The following ZNF18 variants were observed in gnomAD, a reference collection of about 807,000 sequenced individuals.
ZNF18 encodes the protein zinc finger protein 18, also known as heart development-specific gene 1 protein.
A neutral mutation model predicts 58.1 loss-of-function variants in ZNF18; 42 were observed. That is an observed-to-expected ratio of 0.72 (90% CI 0.56 to 0.93). The LOEUF (loss-of-function observed/expected upper bound fraction) is 0.93, where lower values mean the gene tolerates loss of function less well. Ranked by LOEUF, ZNF18 falls within the 40% of genes least tolerant of loss-of-function variation. The probability of loss-of-function intolerance (pLI) is 0.00; values close to 1 mark genes in which losing one functional copy is unlikely to be tolerated. For missense variants in ZNF18, 540 were observed against 644.2 expected, an observed-to-expected ratio of 0.84 and a Z score of 1.75; for synonymous variants, 231 against 239.8, an observed-to-expected ratio of 0.96 and a Z score of 0.34.
intron 6 of ZNF18, among the ~76,000 whole-genome samples, chr17:11,982,320 T>C (rs1967412717): frequency 6.6e-6 from 1 of 152,206 alleles, no homozygotes; most frequent in Non-Finnish European, 1.5e-5. Flanking sequence ...CCTGAAACAC[T>C]ACCCACCCCT....
chr17:12,007,282 G>GCTT, the ZNF18 span, among the ~76,000 whole-genome samples: 1 of 152,148 alleles, frequency 6.6e-6, no homozygotes, highest in East Asian at 1.9e-4. Context: ...GATTTGGGAA[G>GCTT]CTTCTGAAGT....
chr17:11,978,840 CTTTTTTTTTT>C (rs56969015), intron 6 of ZNF18, 96 bp from the exon 7 acceptor site: 8 of 120,518 alleles, frequency 6.6e-5, no homozygotes, highest in South Asian at 3.9e-4. Context: ...CATTCATTTT[CTTTTTTTTTT>C]TTTTTTTTTT....
rs1438920914 is a variant in ZNF18, at chr17:11,978,075, T to G, written c.1532A>C (p.Gln511Pro). The change falls in exon 7 of 7, where the codon CAG (glutamine) becomes CCG (proline). Residue 511 changes from glutamine to proline, a missense_variant. By Grantham distance (76) the Gln-to-Pro change is moderately conservative. Coordinates refer to ENST00000580306, the MANE Select transcript of ZNF18 (RefSeq NM_001303281.2). ...FIQRSNFNRH[Q>P]RVHTGEKPYK... ...AGGTTTCTCTCCAGTGTGAACCCTC[T>G]GATGTCTATTAAAGTTTGATCTCTG... 3.1e-6 allele frequency: 5 copies of G among 1,614,092 alleles called. No individual in the cohort carries two copies. The highest frequency in any genetic ancestry group is 4.2e-6 in the Non-Finnish European group (5 of 1,180,042).
At chr17:11,995,780 T>C (rs553032465) in intron 1 of ZNF18, 1 of 151,716 alleles carries the variant, frequency 6.6e-6, no homozygotes, top group Admixed American at 6.6e-5. Flanking sequence ...ACCCAAGAAC[T>C]GCAGAGTATA....
chr17:11,985,653 A>T (rs1466878038), intron 4 of ZNF18, among the ~76,000 whole-genome samples: 2 of 152,226 alleles, frequency 1.3e-5, no homozygotes, highest in African/African-American at 4.8e-5. Context: ...GGACTCTGTC[A>T]TCCTCTCCAT....
At chr17:12,020,262 T>C in the ZNF18 span, among the ~76,000 whole-genome samples, 1 of 152,188 alleles carries the variant, frequency 6.6e-6, no homozygotes, top group Non-Finnish European at 1.5e-5. Flanking sequence ...AATTACCTGG[T>C]GGTATTATTA....
intron 2 of ZNF18, 36 bp downstream of exon 2, chr17:11,992,407 G>C (rs758125494): frequency 2.5e-6 from 4 of 1,591,172 alleles, no homozygotes; most frequent in Non-Finnish European, 2.6e-6. Flanking sequence ...GAGGAGCCCT[G>C]TGTTTCACTC....
At chr17:12,000,630 C>T (rs978175825), upstream of ZNF18, among the ~76,000 whole-genome samples, 4 of 152,210 alleles carry the variant, frequency 2.6e-5, no homozygotes, top group African/African-American at 7.2e-5. Context: ...AACCCATAAT[C>T]GCTTGAGCCC....
At chr17:11,985,087 T>C (rs1159675657) in intron 4 of ZNF18, among the ~76,000 whole-genome samples, 1 of 152,228 alleles carries the variant, frequency 6.6e-6, no homozygotes, top group African/African-American at 2.4e-5. Flanking sequence ...CTTAAAGTTC[T>C]GCATTTAGAG....
At chr17:11,998,022 G>C (rs1323725348), upstream of ZNF18, among the ~76,000 whole-genome samples, 1 of 151,462 alleles carries the variant, frequency 6.6e-6, no homozygotes, top group Non-Finnish European at 1.5e-5. Flanking sequence ...GTCCAATGTG[G>C]TGCCATCCTC....
chr17:11,993,511 T>C (rs533758872), intron 1 of ZNF18: 1 of 152,166 alleles, frequency 6.6e-6, no homozygotes, highest in Non-Finnish European at 1.5e-5. Context: ...CCTGACACTT[T>C]CAACCTTGGG....
At chr17:12,009,536 T>G in the ZNF18 span, among the ~76,000 whole-genome samples, 2 of 150,868 alleles carry the variant, frequency 1.3e-5, no homozygotes, top group African/African-American at 4.9e-5. Context: ...CATTGCAACC[T>G]CCGCCTCCCA....
chr17:11,995,381 GA>G (rs1229054034), intron 1 of ZNF18, among the ~76,000 whole-genome samples: 127 of 143,228 alleles, frequency 8.9e-4, no homozygotes, highest in African/African-American at 1.8e-3. Context: ...ACCACTGCAA[GA>G]AAAAAAAAAA....
At chr17:11,980,658 A>T (rs948580699) in intron 6 of ZNF18, among the ~76,000 whole-genome samples, 29 of 151,994 alleles carry the variant, frequency 1.9e-4, no homozygotes, top group Non-Finnish European at 3.7e-4. Context: ...ACCTCAAATG[A>T]TCCCCCCGCC....
At chr17:12,015,246 T>C in the ZNF18 span, among the ~76,000 whole-genome samples, 1 of 152,162 alleles carries the variant, frequency 6.6e-6, no homozygotes, top group Non-Finnish European at 1.5e-5. Flanking sequence ...AATTCCACAA[T>C]CTTGAGTTAG....
At chr17:12,021,021 C>G in the ZNF18 span, 4 of 1,192,628 alleles carry the variant, frequency 3.4e-6, no homozygotes, top group Admixed American at 4.4e-5. Flanking sequence ...GCGGCCGCGC[C>G]GAGATCCCAG....
intron 1 of ZNF18, 160 bp downstream of exon 1, chr17:11,997,271 A>C (rs1968529313): frequency 6.6e-6 from 1 of 152,482 alleles, no homozygotes; most frequent in South Asian, 2.1e-4. Flanking sequence ...CCGGCCCCGC[A>C]CTCGCCACGT....
the ZNF18 span, among the ~76,000 whole-genome samples, chr17:12,013,109 G>T: frequency 6.6e-6 from 1 of 152,030 alleles, no homozygotes; most frequent in Non-Finnish European, 1.5e-5. Flanking sequence ...GTGCCACCAT[G>T]CCCGGCTAAT....
At chr17:12,020,643 C>T in the ZNF18 span, among the ~76,000 whole-genome samples, 2 of 152,134 alleles carry the variant, frequency 1.3e-5, no homozygotes, top group African/African-American at 2.4e-5. Flanking sequence ...CCCGCGGGCC[C>T]GCAGCCCTGG....
Sources: gnomAD v4.1 joint callset for allele counts (sites outside exome capture counted in the v4.1 genomes callset) on GRCh38, gnomAD v4.1.1 for gene constraint, MANE v1.5 for transcripts, NCBI Gene and HGNC (gene_info 2026-07-23, HGNC 2026-07-21) for gene names.